Variants in DACH2 observed in about 807,000 individuals in gnomAD.
DACH2 encodes the protein dachshund homolog 2.
Under a neutral mutation model 35.8 loss-of-function variants are expected in DACH2, and 17 were observed. The ratio of observed to expected loss-of-function variants is 0.48; its 90% CI spans 0.33 to 0.71. DACH2 has a LOEUF of 0.71. DACH2 is among the 30% of genes least tolerant of loss of function. The pLI, the probability that DACH2 is intolerant of heterozygous loss-of-function variation, is 0.02. For synonymous variants in DACH2, 195 were observed against 177.3 expected (o/e 1.10, Z -0.79); for missense variants, 469 against 472.7 (o/e 0.99, Z 0.07).
intron 3 of DACH2, among the ~76,000 whole-genome samples, chrX:86,610,422 C>CTTTCT (rs1569452365): frequency 1.7e-4 from 8 of 45,892 alleles, no homozygotes; most frequent in Admixed American, 2.7e-4. Flanking sequence ...TCTTTCTTTT[C>CTTTCT]TTTCTTTCTT....
At chrX:86,589,961 G>A (rs1281010473) in intron 3 of DACH2, among the ~76,000 whole-genome samples, 1 of 111,939 alleles carries the variant, frequency 8.9e-6, no homozygotes, top group Non-Finnish European at 1.9e-5. Context: ...TTGGTTAAGT[G>A]TTGGAGTATT....
chrX:86,454,800 C>A (rs778573296), intron 2 of DACH2, among the ~76,000 whole-genome samples: 34 of 112,150 alleles, frequency 3.0e-4, no homozygotes, highest in African/African-American at 1.1e-3. Flanking sequence ...CCTCAGCCCA[C>A]TTCTGTGCCC....
intron 1 of DACH2, among the ~76,000 whole-genome samples, chrX:86,295,729 C>G (rs1405321772): frequency 9.0e-6 from 1 of 111,116 alleles, no homozygotes; most frequent in Non-Finnish European, 1.9e-5. Flanking sequence ...CTCACAATTG[C>G]TATGATTTCT....
chrX:86,458,364 G>A lies in DACH2; in HGVS notation c.528-55915G>A, dbSNP rs531701132. On this transcript the variant is annotated intron_variant, in intron 2 of 11. Coordinates refer to ENST00000373125, the MANE Select transcript of DACH2 (RefSeq NM_053281.3). ...TGTTAGTAATGTGAAAAGGTAACAC[G>A]CTATCTGGAAATTAAAGCTGCTTCC... 5.6e-4 allele frequency among the ~76,000 whole-genome samples: 63 copies of A among 111,802 alleles called. No homozygotes were observed. The South Asian group carries it at 0.022, about 40-fold the overall frequency.
Position 86,562,583 on chromosome X carries a change from T to C in DACH2, c.640+48192T>C, listed in dbSNP as rs557853284. Among the ~76,000 whole-genome samples the C allele has an allele frequency of 8.0e-5, 9 of 111,820 alleles. No individual in the cohort carries two copies. In the South Asian group the frequency reaches 3.3e-3, roughly 41 times the overall value. Reference sequence around the variant, plus strand: ...AATGCTGCTTAAAATTGTATACACATATAATACATACATAAATTCACCAAA... The same window carrying C: ...AATGCTGCTTAAAATTGTATACACACATAATACATACATAAATTCACCAAA... On this transcript the variant is annotated intron_variant, in intron 3 of 11. Coordinates refer to ENST00000373125, the MANE Select transcript of DACH2 (RefSeq NM_053281.3).
rs187758240 is a variant in DACH2, at chrX:86,467,745, A to G, written c.528-46534A>G. 1.9e-3 allele frequency among the ~76,000 whole-genome samples: 210 copies of G among 111,870 alleles called. 1 individual carries two copies. The highest frequency in any genetic ancestry group is 6.4e-3 in the African/African-American group (198 of 30,855). On this transcript the variant is annotated intron_variant, in intron 2 of 11. Coordinates refer to ENST00000373125, the MANE Select transcript of DACH2 (RefSeq NM_053281.3). ...CGGTTTAATTGACTCACAGTTCCAC[A>G]GGGCTGGGGAGGCCTCAGGAAACAT...
chrX:86,347,837 C>T (rs1023441701), intron 1 of DACH2, among the ~76,000 whole-genome samples: 1 of 111,945 alleles, frequency 8.9e-6, no homozygotes, highest in South Asian at 3.7e-4. Flanking sequence ...CACTTTGGGA[C>T]ACTAGTATTT....
At chrX:86,181,390 G>C (rs1029531561) in intron 1 of DACH2, among the ~76,000 whole-genome samples, 2 of 110,713 alleles carry the variant, frequency 1.8e-5, no homozygotes, top group African/African-American at 6.6e-5. Context: ...CTGTGTTCAT[G>C]TGTTCTCATT....
At chrX:86,630,573 C>G (rs1032289109) in intron 3 of DACH2, among the ~76,000 whole-genome samples, 2 of 110,926 alleles carry the variant, frequency 1.8e-5, no homozygotes, top group Non-Finnish European at 3.8e-5. Flanking sequence ...TTTTGTGGAA[C>G]AAGTAGTCAA....
intron 6 of DACH2, among the ~76,000 whole-genome samples, chrX:86,716,773 A>G (rs929274930): frequency 8.9e-6 from 1 of 112,251 alleles, no homozygotes; most frequent in Non-Finnish European, 1.9e-5. Flanking sequence ...GGTCCTGGAA[A>G]TGGAAAAGAT....
At position 86,324,539 on chromosome X, in the gene DACH2, G is replaced by T. The variant is rs1428391129; in HGVS notation, c.489-52285G>T. ...TACTACAGAGAAATATTTTGTGAAA[G>T]AAGTCAATTGATGTGGCAAACTCAC... On this transcript the variant is annotated intron_variant, in intron 1 of 11. Coordinates refer to ENST00000373125, the MANE Select transcript of DACH2 (RefSeq NM_053281.3). Among the ~76,000 whole-genome samples the T allele has an allele frequency of 1.0e-3, 109 of 103,955 alleles. 4 individuals carry two copies. Among genetic ancestry groups the T allele is most frequent in the Non-Finnish European group, 1.2e-4 (6 of 51,163 alleles). The allele number at this position is 103,955 out of a possible 115,157, so 90.3% of individuals were successfully genotyped here. A position where few individuals can be genotyped will look rare whatever the true frequency, so the allele number is the denominator to read the frequency against.
At chrX:86,663,448 G>A (rs190773759) in intron 4 of DACH2, among the ~76,000 whole-genome samples, 2 of 111,696 alleles carry the variant, frequency 1.8e-5, no homozygotes, top group East Asian at 5.6e-4. Context: ...AAGCTACCCA[G>A]GGTATTATAT....
intron 4 of DACH2, among the ~76,000 whole-genome samples, chrX:86,653,618 A>G (rs1025245689): frequency 1.0e-4 from 10 of 99,109 alleles, no homozygotes; most frequent in African/African-American, 3.4e-4. Flanking sequence ...AAAGGATCTT[A>G]TTTCTCCTTC....
At chrX:86,722,481 T>C (rs2041417984) in intron 6 of DACH2, among the ~76,000 whole-genome samples, 1 of 109,446 alleles carries the variant, frequency 9.1e-6, no homozygotes, top group African/African-American at 3.3e-5. Flanking sequence ...CTGGAGTAGC[T>C]GGGACTACTG....
At chrX:86,274,975 A>G (rs901107822) in intron 1 of DACH2, among the ~76,000 whole-genome samples, 1 of 107,897 alleles carries the variant, frequency 9.3e-6, no homozygotes, top group Non-Finnish European at 1.9e-5. Flanking sequence ...AAATCGTCAT[A>G]TGGCCCAGAG....
At chrX:86,531,038 A>G (rs752279922) in intron 3 of DACH2, among the ~76,000 whole-genome samples, 3 of 111,994 alleles carry the variant, frequency 2.7e-5, no homozygotes, top group Non-Finnish European at 5.6e-5. Context: ...TATTTAGGGT[A>G]TCTGGTGTAA....
intron 3 of DACH2, among the ~76,000 whole-genome samples, chrX:86,564,102 A>G (rs2039263387): frequency 9.1e-6 from 1 of 110,327 alleles, no homozygotes; most frequent in African/African-American, 3.3e-5. Flanking sequence ...GATGTTTCCT[A>G]TTTTTCTTCC....
intron 3 of DACH2, among the ~76,000 whole-genome samples, chrX:86,546,478 C>T (rs1437682563): frequency 1.2e-5 from 1 of 85,334 alleles, no homozygotes; most frequent in Non-Finnish European, 2.2e-5. Context: ...TATTCTTCCT[C>T]TTCTTCCTCT....
chrX:86,736,350 T>G (rs1474761909), intron 6 of DACH2, among the ~76,000 whole-genome samples: 4 of 111,548 alleles, frequency 3.6e-5, no homozygotes, highest in African/African-American at 1.3e-4. Flanking sequence ...AAAATGTTAC[T>G]GTCACTCTTA....
Sources: gnomAD v4.1 joint callset for allele counts (sites outside exome capture counted in the v4.1 genomes callset) on GRCh38, gnomAD v4.1.1 for gene constraint, MANE v1.5 for transcripts, NCBI Gene and HGNC (gene_info 2026-07-23, HGNC 2026-07-21) for gene names.